HOXD12: variants seen among roughly 807,000 people sequenced by gnomAD.
HOXD12 encodes homeobox protein Hox-D12.
In HOXD12, 21 loss-of-function variants were observed where a neutral mutation model predicts 20.2. The observed-to-expected ratio is 1.04, with a 90% CI of 0.74 to 1.50. The LOEUF (loss-of-function observed/expected upper bound fraction) is 1.50. Ranked by LOEUF, HOXD12 falls within the 40% of genes most tolerant of loss-of-function variation. The probability of loss-of-function intolerance (pLI) is 0.00; values close to 1 mark genes in which losing one functional copy is unlikely to be tolerated. For missense variants in HOXD12, 472 were observed against 365.5 expected, an observed-to-expected ratio of 1.29 and a Z score of -2.38; for synonymous variants, 196 against 168.8, an observed-to-expected ratio of 1.16 and a Z score of -1.25.
At position 176,101,698 on chromosome 2, in the gene HOXD12, A is replaced by C. The variant is rs1454779409; in HGVS notation, c.*938A>C. Among the ~76,000 whole-genome samples, 1 of 152,174 alleles carries C rather than the reference A, an allele frequency of 6.6e-6. No homozygotes were observed. The highest frequency in any genetic ancestry group is 1.5e-5 in the Non-Finnish European group (1 of 68,034). ...AAAAATATCCAGGGGAGGAGAAGGG[A>C]GTGAATAAGAGGAGGAGGGGTGCTG... On this transcript the variant is annotated 3_prime_UTR_variant, in exon 2 of 2. Transcript: ENST00000406506.
At chr2:176,100,430 T>C (rs1689477942) in intron 1 of HOXD12, 55 bp downstream of exon 1, 4 of 1,603,336 alleles carry the variant, frequency 2.5e-6, no homozygotes, top group African/African-American at 1.3e-5. Context: ...GAGGTGGGGT[T>C]CAAGGGAGAG....
In HOXD12 at chr2:176,100,828, T is replaced by TC; in HGVS notation, c.*69dup. 1 of 1,065,576 alleles carries TC rather than the reference T, an allele frequency of 9.4e-7. No homozygotes were observed. The highest frequency in any genetic ancestry group is 1.4e-6 in the Non-Finnish European group (1 of 703,168). The allele number at this position is 1,065,576 out of a possible 1,614,324, so 66.0% of individuals were successfully genotyped here. On this transcript the variant is annotated 3_prime_UTR_variant, in exon 2 of 2. Transcript: ENST00000406506. ...CAGAGGCCTTGTTTGGGGAGGGGGA[T>TC]CTGGGGCTAAGGCTAAGGCTTTTCC...
At position 176,100,249 on chromosome 2, in the gene HOXD12, A is replaced by C; in HGVS notation, c.448A>C (p.Thr150Pro). The change falls in exon 1 of 2, where the codon ACG becomes CCG. Residue 150 changes from threonine (T) to proline (P), a missense_variant. Coordinates refer to ENST00000406506, the MANE Select transcript of HOXD12 (RefSeq NM_021193.4). ...AGVGRATPGSTTLLQGAPCAP... is the reference protein window; with the variant it reads ...AGVGRATPGSPTLLQGAPCAP... The stretch of plus-strand genomic sequence containing the variant: ...TGTGGGTCGTGCCACGCCGGGCTCC[A>C]CGACCCTGCTCCAGGGGGCTCCCTG... 1 of 1,612,396 alleles carries C rather than the reference A, an allele frequency of 6.2e-7. No individual in the cohort carries two copies. Among genetic ancestry groups the C allele is most frequent in the Non-Finnish European group, 8.5e-7 (1 of 1,179,834 alleles).
chr2:176,102,299 C>A lies in HOXD12; in HGVS notation c.*1539C>A, dbSNP rs892802536. Among the ~76,000 whole-genome samples the A allele has an allele frequency of 1.3e-5, 2 of 152,188 alleles. No homozygotes were observed. Among genetic ancestry groups the A allele is most frequent in the African/African-American group, 2.4e-5 (1 of 41,438 alleles). The stretch of plus-strand genomic sequence containing the variant: ...GACCTGGCCCTAAATCTGGAGTGGG[C>A]CCCTCACAGAGAGCCCTGAGCCTTA... On this transcript the variant is annotated 3_prime_UTR_variant, in exon 2 of 2. Coordinates refer to ENST00000406506, the MANE Select transcript of HOXD12 (RefSeq NM_021193.4).
chr2:176,100,769 G>C lies in HOXD12; in HGVS notation c.*9G>C, dbSNP rs530384914. ...CGCTGGCGCTCTACTAGCCGCGCGC[G>C]TGGCCAGGGCCGGGTTGGATCTGCC... On this transcript the variant is annotated 3_prime_UTR_variant, in exon 2 of 2. Transcript: ENST00000406506. The C allele has an allele frequency of 2.4e-5, 38 of 1,598,060 alleles. No individual in the cohort carries two copies. Among genetic ancestry groups the C allele is most frequent in the East Asian group, 2.2e-5 (1 of 44,686 alleles).
rs1484104443 is a variant in HOXD12 at position 176,100,508 on chromosome 2, G to C, written c.575-14G>C. ...GTACGGGCTGGGTTGACGTGGGTTGGGGCTGTGTTGCAGGCCTGCCGTGGG... is the reference window on the plus strand; with the variant it reads ...GTACGGGCTGGGTTGACGTGGGTTGCGGCTGTGTTGCAGGCCTGCCGTGGG... On this transcript the variant is annotated splice_polypyrimidine_tract_variant and intron_variant, in intron 1 of 1. Coordinates refer to ENST00000406506, the MANE Select transcript of HOXD12 (RefSeq NM_021193.4). The C allele has an allele frequency of 4.4e-6, 7 of 1,595,432 alleles. No homozygotes were observed. Among genetic ancestry groups the C allele is most frequent in the Admixed American group, 1.8e-5 (1 of 57,084 alleles).
In HOXD12 at chr2:176,100,317, G is replaced by T. The variant is rs1276278397; in HGVS notation, c.516G>T (p.Leu172Phe). 6.2e-7 allele frequency: 1 copy of T among 1,612,688 alleles called. No individual in the cohort carries two copies. Among genetic ancestry groups the T allele is most frequent in the Non-Finnish European group, 8.5e-7 (1 of 1,179,860 alleles). ...FKDDTKGPLN[L>F]NMTVQAAGVA... ...ACGACACCAAGGGCCCGCTCAACTTGAACATGACAGTGCAGGCGGCGGGCG... is the reference window on the plus strand; with the variant it reads ...ACGACACCAAGGGCCCGCTCAACTTTAACATGACAGTGCAGGCGGCGGGCG... Residue 172 changes from leucine to phenylalanine, a missense_variant, in exon 1 of 2, where the codon TTG becomes TTT. Leu to Phe is a conservative substitution (Grantham distance 22, BLOSUM62 0). Transcript: ENST00000406506.
chr2:176,100,225 G>A lies in HOXD12; in HGVS notation c.424G>A (p.Val142Met), dbSNP rs1422884286. 6.2e-7 allele frequency: 1 copy of A among 1,612,316 alleles called. No individual in the cohort carries two copies. The highest frequency in any genetic ancestry group is 1.1e-5 in the South Asian group (1 of 91,068). Residue 142 changes from valine (V) to methionine (M), a missense_variant, in exon 1 of 2, where the codon GTG (valine) becomes ATG (methionine). By Grantham distance (21) the Val-to-Met change is conservative. Transcript: ENST00000406506. ...AGCGGCCAAGTATGACTACGCTGGT[G>A]TGGGTCGTGCCACGCCGGGCTCCAC... Reference protein sequence around the residue: ...LKAAKYDYAGVGRATPGSTTL... With the variant: ...LKAAKYDYAGMGRATPGSTTL...
rs766284496 is a variant in HOXD12 at position 176,100,264 on chromosome 2, G to A, written c.463G>A (p.Gly155Arg). 4.3e-6 allele frequency: 7 copies of A among 1,612,526 alleles called. No individual in the cohort carries two copies. In the East Asian group the frequency reaches 8.9e-5, roughly 21 times the overall value. ...GCCGGGCTCCACGACCCTGCTCCAG[G>A]GGGCTCCCTGCGCCCCTGGCTTCAA... ...ATPGSTTLLQ[G>R]APCAPGFKDD... Residue 155 changes from glycine to arginine, a missense_variant, in exon 1 of 2, where the codon GGG (glycine) becomes AGG (arginine). Coordinates refer to ENST00000406506, the MANE Select transcript of HOXD12 (RefSeq NM_021193.4).
rs761478015 is a variant in HOXD12 at position 176,100,251 on chromosome 2, G to T, written c.450G>T (p.Thr150=). 1.2e-5 allele frequency: 20 copies of T among 1,612,304 alleles called. No homozygotes were observed. Among genetic ancestry groups the T allele is most frequent in the Non-Finnish European group, 1.6e-5 (19 of 1,179,838 alleles). Residue 150 remains threonine, a synonymous_variant, in exon 1 of 2, where the codon ACG becomes ACT. Coordinates refer to ENST00000406506, the MANE Select transcript of HOXD12 (RefSeq NM_021193.4). The part of the protein sequence containing the change: ...AGVGRATPGS[T]TLLQGAPCAP... Reference sequence around the variant, plus strand: ...TGGGTCGTGCCACGCCGGGCTCCACGACCCTGCTCCAGGGGGCTCCCTGCG... The same window carrying T: ...TGGGTCGTGCCACGCCGGGCTCCACTACCCTGCTCCAGGGGGCTCCCTGCG...
chr2:176,100,376 G>A lies in HOXD12; in HGVS notation c.574+1G>A. ...TGCCTGCGACCTTCACTGCCCGACG[G>A]TAAACGGTGCCCATGCTCCCCGGGC... On this transcript the variant is annotated splice_donor_variant, in intron 1 of 1. Coordinates refer to ENST00000406506, the MANE Select transcript of HOXD12 (RefSeq NM_021193.4). LOFTEE classifies it high-confidence loss of function. The A allele has an allele frequency of 6.2e-7, 1 of 1,612,296 alleles. No individual in the cohort carries two copies. Among genetic ancestry groups the A allele is most frequent in the Non-Finnish European group, 8.5e-7 (1 of 1,179,650 alleles).
chr2:176,100,358 G>A lies in HOXD12; in HGVS notation c.557G>A (p.Arg186Gln), dbSNP rs35817516. Residue 186 changes from arginine (R) to glutamine (Q), a missense_variant, in exon 1 of 2, where the codon CGA becomes CAA. Transcript: ENST00000406506. ...VQAAGVASCLRPSLPDGLPWG... is the reference protein window; with the variant it reads ...VQAAGVASCLQPSLPDGLPWG... ...GCGGCGGGCGTTGCCTCTTGCCTGC[G>A]ACCTTCACTGCCCGACGGTAAACGG... The A allele has an allele frequency of 0.13, 202,880 of 1,612,120 alleles. 14,203 individuals carry two copies. The highest frequency in any genetic ancestry group is 0.22 in the Admixed American group (12,900 of 59,958).
chr2:176,100,847 C>T lies in HOXD12; in HGVS notation c.*87C>T, dbSNP rs954517421. ...GGGGGATCTGGGGCTAAGGCTAAGG[C>T]TTTTCCTTCGGTTCCTTCTCTGCTG... On this transcript the variant is annotated 3_prime_UTR_variant, in exon 2 of 2. Transcript: ENST00000406506. The T allele has an allele frequency of 2.2e-6, 2 of 904,086 alleles. No homozygotes were observed. Among genetic ancestry groups the T allele is most frequent in the Admixed American group, 2.2e-5 (1 of 45,052 alleles). The allele number at this position is 904,086 out of a possible 1,614,324, so 56.0% of individuals were successfully genotyped here.
Position 176,100,651 on chromosome 2 carries a change from T to A in HOXD12, c.704T>A (p.Leu235Ter). 1 of 1,613,930 alleles carries A rather than the reference T, an allele frequency of 6.2e-7. No homozygotes were observed. The highest frequency in any genetic ancestry group is 8.5e-7 in the Non-Finnish European group (1 of 1,179,842). ...EFINRQKRKE[L>*]SNRLNLSDQQ... ...ATCAACAGGCAGAAACGCAAGGAATTGTCCAATAGGCTGAACCTCAGCGAC... is the reference window on the plus strand; with the variant it reads ...ATCAACAGGCAGAAACGCAAGGAATAGTCCAATAGGCTGAACCTCAGCGAC... The change falls in exon 2 of 2, where the codon TTG (leucine) becomes TAG (stop). Residue 235 changes from leucine (L) to a stop codon, truncating the protein, a stop_gained. Transcript: ENST00000406506. LOFTEE classifies it high-confidence loss of function.
In HOXD12 at chr2:176,100,738, AG is replaced by A; in HGVS notation, c.792del (p.Glu264AspfsTer85). The A allele has an allele frequency of 1.2e-6, 2 of 1,613,560 alleles. No homozygotes were observed. Among genetic ancestry groups the A allele is most frequent in the Non-Finnish European group, 1.7e-6 (2 of 1,179,624 alleles). On this transcript the variant is annotated frameshift_variant, in exon 2 of 2. Transcript: ENST00000406506. LOFTEE classifies it high-confidence loss of function. ...AAGAAGAAGCGCGTGGTGCTTCGGGAGCAGGCGCTGGCGCTCTACTAGCCGC... is the reference window on the plus strand; with the variant it reads ...AAGAAGAAGCGCGTGGTGCTTCGGGACAGGCGCTGGCGCTCTACTAGCCGC... ...RMKKKRVVLR[E>X]QALALY
In HOXD12 at chr2:176,099,956, C is replaced by A; in HGVS notation, c.155C>A (p.Ala52Asp). ...ISYPRGALPW[A>D]ATPASCAPAQ... ...TACCCGCGCGGCGCGCTGCCCTGGG[C>A]CGCCACGCCCGCCTCCTGCGCCCCC... Residue 52 changes from alanine to aspartate, a missense_variant, in exon 1 of 2, where the codon GCC becomes GAC. Coordinates refer to ENST00000406506, the MANE Select transcript of HOXD12 (RefSeq NM_021193.4). The A allele has an allele frequency of 1.9e-6, 3 of 1,598,490 alleles. No homozygotes were observed. The highest frequency in any genetic ancestry group is 1.1e-5 in the South Asian group (1 of 89,154).
Position 176,100,510 on chromosome 2 carries a change from G to T in HOXD12, c.575-12G>T, listed in dbSNP as rs767594376. On this transcript the variant is annotated splice_polypyrimidine_tract_variant and intron_variant, in intron 1 of 1. Coordinates refer to ENST00000406506, the MANE Select transcript of HOXD12 (RefSeq NM_021193.4). Reference sequence around the variant, plus strand: ...ACGGGCTGGGTTGACGTGGGTTGGGGCTGTGTTGCAGGCCTGCCGTGGGGG... The same window carrying T: ...ACGGGCTGGGTTGACGTGGGTTGGGTCTGTGTTGCAGGCCTGCCGTGGGGG... 78 of 1,595,746 alleles carry T rather than the reference G, an allele frequency of 4.9e-5. No individual in the cohort carries two copies. Among genetic ancestry groups the T allele is most frequent in the Non-Finnish European group, 6.3e-5 (74 of 1,170,116 alleles).
chr2:176,100,763 G>C lies in HOXD12; in HGVS notation c.*3G>C. The C allele has an allele frequency of 6.2e-7, 1 of 1,605,064 alleles. No homozygotes were observed. Among genetic ancestry groups the C allele is most frequent in the Non-Finnish European group, 8.5e-7 (1 of 1,172,850 alleles). On this transcript the variant is annotated 3_prime_UTR_variant, in exon 2 of 2. Coordinates refer to ENST00000406506, the MANE Select transcript of HOXD12 (RefSeq NM_021193.4). ...AGCAGGCGCTGGCGCTCTACTAGCC[G>C]CGCGCGTGGCCAGGGCCGGGTTGGA...
Position 176,100,231 on chromosome 2 carries a change from C to A in HOXD12, c.430C>A (p.Arg144Ser), listed in dbSNP as rs772507540. The change falls in exon 1 of 2, where the codon CGT becomes AGT. Residue 144 changes from arginine to serine, a missense_variant. Physicochemically the swap from Arg to Ser is moderately radical, Grantham distance 110 (BLOSUM62 -1). Coordinates refer to ENST00000406506, the MANE Select transcript of HOXD12 (RefSeq NM_021193.4). ...CAAGTATGACTACGCTGGTGTGGGT[C>A]GTGCCACGCCGGGCTCCACGACCCT... ...AAKYDYAGVG[R>S]ATPGSTTLLQ... is the part of the protein sequence containing the mutation. 1 of 1,612,302 alleles carries A rather than the reference C, an allele frequency of 6.2e-7. No homozygotes were observed. The highest frequency in any genetic ancestry group is 1.1e-5 in the South Asian group (1 of 91,058).
Sources: gnomAD v4.1 joint callset for allele counts (sites outside exome capture counted in the v4.1 genomes callset) on GRCh38, gnomAD v4.1.1 for gene constraint, MANE v1.5 for transcripts, NCBI Gene and HGNC (gene_info 2026-07-23, HGNC 2026-07-21) for gene names.